The following GABRG2 variants were observed in gnomAD, a reference collection of about 807,000 sequenced individuals.
GABRG2 encodes the protein gamma-aminobutyric acid type A receptor subunit gamma2.
In GABRG2, 16 loss-of-function variants were observed where a neutral mutation model predicts 56.4. The ratio of observed to expected loss-of-function variants is 0.28; its 90% confidence interval spans 0.19 to 0.43. GABRG2 has a LOEUF of 0.43. Among genes scored for constraint, GABRG2 ranks in the 20% least tolerant of loss-of-function variants. GABRG2 has a pLI of 1.00. For synonymous variants in GABRG2, 208 were observed against 205.5 expected, an observed-to-expected ratio of 1.01 and a Z score of -0.10; for missense variants, 327 against 582.7, an observed-to-expected ratio of 0.56 and a Z score of 4.52.
chr5:162,103,660 T>C, intron 5 of GABRG2: 1 of 562,766 alleles, frequency 1.8e-6, no homozygotes, highest in Non-Finnish European at 3.2e-6. Context: ...GTCATTTAAA[T>C]TATTTTCAAG....
intron 1 of GABRG2, among the ~76,000 whole-genome samples, chr5:162,070,307 G>T (rs987669859): frequency 6.6e-5 from 10 of 151,978 alleles, no homozygotes; most frequent in Non-Finnish European, 1.2e-4. Context: ...TTGGTGCAGA[G>T]AATGTGATCA....
At chr5:162,134,129 C>T (rs773375385) in intron 6 of GABRG2, among the ~76,000 whole-genome samples, 1 of 152,036 alleles carries the variant, frequency 6.6e-6, no homozygotes, top group Non-Finnish European at 1.5e-5. Context: ...ATAGTCCTAA[C>T]CACTGATTTA....
intron 6 of GABRG2, among the ~76,000 whole-genome samples, chr5:162,139,269 AC>A (rs1764370757): frequency 6.6e-6 from 1 of 152,202 alleles, no homozygotes; most frequent in African/African-American, 2.4e-5. Context: ...ACCACCTTTG[AC>A]TTGCTTGGCA....
chr5:162,109,784 A>G (rs1019961363), intron 6 of GABRG2, among the ~76,000 whole-genome samples: 1 of 152,096 alleles, frequency 6.6e-6, no homozygotes, highest in African/African-American at 2.4e-5. Flanking sequence ...CGGCCAGCTC[A>G]TCAAATTCTA....
chr5:162,073,024 G>A (rs61536548), intron 1 of GABRG2, among the ~76,000 whole-genome samples: 8,841 of 151,778 alleles, frequency 0.058, 322 homozygotes, highest in Middle Eastern at 0.072. Flanking sequence ...AGGTAGACTG[G>A]ATGATCTATA....
At chr5:162,135,508 A>T (rs1366178511) in intron 6 of GABRG2, among the ~76,000 whole-genome samples, 3 of 152,158 alleles carry the variant, frequency 2.0e-5, no homozygotes, top group Non-Finnish European at 4.4e-5. Flanking sequence ...TCAGAATAAA[A>T]TAGTGAGCAA....
chr5:162,142,411 A>C, intron 7 of GABRG2, 95 bp downstream of exon 7: 1 of 1,283,242 alleles, frequency 7.8e-7, no homozygotes, highest in Non-Finnish European at 1.1e-6. Context: ...CTTTAAATTT[A>C]GCCTGCAATT....
chr5:162,087,298 T>G (rs78971956), intron 1 of GABRG2, among the ~76,000 whole-genome samples: 2 of 152,004 alleles, frequency 1.3e-5, no homozygotes, highest in African/African-American at 4.8e-5. Context: ...CTCATGCGCT[T>G]TTGGGGAAGC....
At chr5:162,083,882 A>G (rs1759850558) in intron 1 of GABRG2, among the ~76,000 whole-genome samples, 1 of 151,886 alleles carries the variant, frequency 6.6e-6, no homozygotes. Flanking sequence ...GTGGTCATTT[A>G]TGACTGAACT....
intron 7 of GABRG2, among the ~76,000 whole-genome samples, chr5:162,148,278 T>C (rs927581685): frequency 1.3e-5 from 2 of 152,342 alleles, no homozygotes; most frequent in South Asian, 2.1e-4. Context: ...TTTAGCCTTG[T>C]TCTTCTGATC....
At chr5:162,087,428 A>G (rs1760210982) in intron 1 of GABRG2, among the ~76,000 whole-genome samples, 1 of 152,092 alleles carries the variant, frequency 6.6e-6, no homozygotes, top group South Asian at 2.1e-4. Flanking sequence ...GGCTAGTGAT[A>G]TTAGAAAACA....
intron 3 of GABRG2, 24 bp downstream of exon 3, chr5:162,095,586 T>C (rs2113309647): frequency 6.6e-7 from 1 of 1,517,530 alleles, no homozygotes; most frequent in Non-Finnish European, 9.1e-7. Flanking sequence ...TAAAATTCTT[T>C]GTCTGTTTTA....
chr5:162,105,120 G>C (rs1408987185), intron 6 of GABRG2, among the ~76,000 whole-genome samples: 1 of 152,088 alleles, frequency 6.6e-6, no homozygotes, highest in Non-Finnish European at 1.5e-5. Flanking sequence ...GAATTCATAG[G>C]AAATATTTTT....
At chr5:162,121,199 T>C (rs1762958186) in intron 6 of GABRG2, among the ~76,000 whole-genome samples, 1 of 152,148 alleles carries the variant, frequency 6.6e-6, no homozygotes, top group Admixed American at 6.6e-5. Flanking sequence ...TTAATATTCA[T>C]CTAGAGTCAG....
intron 6 of GABRG2, among the ~76,000 whole-genome samples, chr5:162,129,757 A>G (rs994711402): frequency 6.6e-6 from 1 of 152,008 alleles, no homozygotes; most frequent in African/African-American, 2.4e-5. Context: ...AATTTCAAAA[A>G]TAAATTTTAG....
intron 1 of GABRG2, among the ~76,000 whole-genome samples, chr5:162,090,302 ACATACACATACACATACACATAC>A (rs1236450026): frequency 1.5e-5 from 2 of 136,984 alleles, no homozygotes; most frequent in East Asian, 2.1e-4. Flanking sequence ...ATACACATAG[ACATACACATACACATACACATAC>A]CATACACATA....
Position 162,154,277 on chromosome 5 carries a change from A to G in GABRG2, c.*909A>G, listed in dbSNP as rs895573429. 1 of 152,178 alleles carries G rather than the reference A, an allele frequency of 6.6e-6. No individual in the cohort carries two copies. Among genetic ancestry groups the G allele is most frequent in the African/African-American group, 2.4e-5 (1 of 41,456 alleles). 9.4% of individuals were successfully genotyped at this position (152,178 alleles called of 1,614,324 possible). A position where few individuals can be genotyped will look rare whatever the true frequency, so the allele number is the denominator to read the frequency against. ...TTTCTTCCTTTTAGGATGATAGATC[A>G]TAACAGAACTTATTCTCCATCTCAA... On this transcript the variant is annotated 3_prime_UTR_variant, in exon 10 of 10. Coordinates refer to ENST00000639213, the MANE Select transcript of GABRG2 (RefSeq NM_198904.4).
intron 6 of GABRG2, among the ~76,000 whole-genome samples, chr5:162,109,499 C>A (rs1267264620): frequency 6.7e-6 from 1 of 149,724 alleles, no homozygotes; most frequent in African/African-American, 2.5e-5. Flanking sequence ...GTCCCTGACC[C>A]CTTACTCCAC....
intron 1 of GABRG2, among the ~76,000 whole-genome samples, chr5:162,086,977 T>A (rs1191294181): frequency 6.6e-6 from 1 of 152,064 alleles, no homozygotes; most frequent in African/African-American, 2.4e-5. Context: ...ATTTCTGGGT[T>A]ATAGAGTACA....
Sources: allele counts gnomAD v4.1 joint callset (sites outside exome capture counted in the v4.1 genomes callset), GRCh38; gene constraint gnomAD v4.1.1; transcripts MANE v1.5; gene names NCBI Gene and HGNC (gene_info 2026-07-23, HGNC 2026-07-21).